NEK3: variants seen among roughly 807,000 people sequenced by gnomAD.
NEK3 encodes NIMA related kinase 3.
NEK3 carries 54 observed loss-of-function variants against 66.0 expected under a neutral mutation model. That is an observed-to-expected ratio of 0.82 (90% CI 0.66 to 1.03). The LOEUF (loss-of-function observed/expected upper bound fraction) is 1.03. NEK3 is among the 50% of genes least tolerant of loss of function. The pLI, the probability that NEK3 is intolerant of heterozygous loss-of-function variation, is 0.00. For synonymous variants in NEK3, 200 were observed against 206.2 expected, an observed-to-expected ratio of 0.97 and a Z score of 0.26; for missense variants, 593 against 603.0, an observed-to-expected ratio of 0.98 and a Z score of 0.17.
intron 4 of NEK3, among the ~76,000 whole-genome samples, chr13:52,153,378 C>T (rs1956363153): frequency 6.6e-6 from 1 of 151,980 alleles, no homozygotes. Context: ...CTCATTGGAG[C>T]AATTTAAATA....
intron 8 of NEK3, among the ~76,000 whole-genome samples, chr13:52,145,278 A>C (rs1956284874): frequency 6.6e-6 from 1 of 152,164 alleles, no homozygotes; most frequent in Non-Finnish European, 1.5e-5. Flanking sequence ...AGCCCTTCCC[A>C]GAAACTGCCA....
intron 11 of NEK3, 115 bp downstream of exon 11, chr13:52,140,905 T>A: frequency 1.4e-6 from 1 of 737,686 alleles, no homozygotes; most frequent in Non-Finnish European, 2.1e-6. Flanking sequence ...AACCTCCGCC[T>A]CCAGGTTCAC....
At chr13:52,145,407 G>A (rs557992820) in intron 8 of NEK3, among the ~76,000 whole-genome samples, 8 of 152,206 alleles carry the variant, frequency 5.3e-5, no homozygotes, top group East Asian at 1.9e-4. Context: ...GGGCTCAAGC[G>A]ATCCTCCCAC....
chr13:52,144,063 A>T (rs1956273355), intron 9 of NEK3, 76 bp from the exon 10 acceptor site: 2 of 793,564 alleles, frequency 2.5e-6, no homozygotes, highest in East Asian at 5.6e-5. Flanking sequence ...TCATTTCATC[A>T]TCAGCATTCT....
chr13:52,156,273 G>C, intron 1 of NEK3, 25 bp from the exon 2 acceptor site: 1 of 840,258 alleles, frequency 1.2e-6, no homozygotes, highest in African/African-American at 1.7e-5. Flanking sequence ...AGAAACATTT[G>C]AGAATTAAAT....
At position 52,144,698 on chromosome 13, in the gene NEK3, G is replaced by A. The variant is rs762857024; in HGVS notation, c.797C>T (p.Pro266Leu). The A allele has an allele frequency of 1.5e-5, 25 of 1,613,544 alleles. No homozygotes were observed. Among genetic ancestry groups the A allele is most frequent in the African/African-American group, 2.7e-5 (2 of 74,882 alleles). ...ATCCAACACAGATCATACCTCGGGG[G>A]GTAAGCACTTCTGGACAAGCCGAGC... is the stretch of plus-strand genomic sequence containing the variant. The part of the protein sequence containing the change: ...IVARLVQKCL[P>L]PEIIMEYGEE... Residue 266 changes from proline to leucine, a missense_variant, in exon 9 of 16, where the codon CCC (proline) becomes CTC (leucine). Coordinates refer to ENST00000610828, the MANE Select transcript of NEK3 (RefSeq NM_002498.3).
At chr13:52,155,631 A>T (rs1225987232) in intron 2 of NEK3, among the ~76,000 whole-genome samples, 1 of 152,230 alleles carries the variant, frequency 6.6e-6, no homozygotes, top group Non-Finnish European at 1.5e-5. Context: ...GAATAAACCA[A>T]TTACATCTTT....
chr13:52,154,457 G>A (rs1956374653), intron 2 of NEK3, among the ~76,000 whole-genome samples: 1 of 151,656 alleles, frequency 6.6e-6, no homozygotes, highest in African/African-American at 2.4e-5. Flanking sequence ...AGTATCACCT[G>A]ACTTAGAGAG....
At chr13:52,140,892 T>G (rs1956244671) in intron 11 of NEK3, 128 bp downstream of exon 11, 1 of 636,652 alleles carries the variant, frequency 1.6e-6, no homozygotes, top group African/African-American at 1.8e-5. Flanking sequence ...CTAGGCTCAC[T>G]GCAACCTCCG....
At chr13:52,133,911 G>A (rs1443777151) in intron 14 of NEK3, 96 bp from the exon 15 acceptor site, 18 of 1,265,088 alleles carry the variant, frequency 1.4e-5, no homozygotes, top group Admixed American at 2.1e-5. Context: ...GCTGGCTGAG[G>A]ACAATGCCAT....
intron 10 of NEK3, 85 bp downstream of exon 10, chr13:52,143,830 T>C (rs1956271139): frequency 1.4e-6 from 1 of 740,654 alleles, no homozygotes; most frequent in Non-Finnish European, 2.2e-6. Context: ...TCATTTCTAA[T>C]AACTTAAAAA....
chr13:52,154,021 G>C (rs764008533), intron 3 of NEK3, 29 bp from the exon 4 acceptor site: 1 of 1,599,032 alleles, frequency 6.3e-7, no homozygotes, highest in African/African-American at 1.3e-5. Flanking sequence ...CTTTAGAAAA[G>C]CTGTAGTGGC....
intron 4 of NEK3, among the ~76,000 whole-genome samples, chr13:52,153,694 C>CT (rs1451740333): frequency 6.6e-6 from 1 of 152,038 alleles, no homozygotes; most frequent in South Asian, 2.1e-4. Flanking sequence ...AATTTATAAC[C>CT]TATAGATTTT....
intron 8 of NEK3, chr13:52,148,165 A>G (rs1234505922): frequency 1.9e-5 from 7 of 359,202 alleles, no homozygotes; most frequent in Admixed American, 4.5e-5. Context: ...TAGCAAAAAG[A>G]AAGAAAAGAG....
chr13:52,148,484 A>C lies in NEK3; in HGVS notation c.549-15T>G, dbSNP rs367900950. The C allele has an allele frequency of 4.1e-4, 662 of 1,612,400 alleles. No individual in the cohort carries two copies. The highest frequency in any genetic ancestry group is 5.4e-4 in the Non-Finnish European group (634 of 1,178,740). On this transcript the variant is annotated splice_polypyrimidine_tract_variant and intron_variant, in intron 7 of 15. Transcript: ENST00000610828. ...ACCAGATGTCACTGAAAGCATAAAG[A>C]AGCAATGTAATCACAAGCAGGTTAC...
At position 52,141,049 on chromosome 13, in the gene NEK3, T is replaced by C. The variant is rs770425464; in HGVS notation, c.898A>G (p.Ile300Val). The change falls in exon 11 of 16, where the codon ATA becomes GTA. Residue 300 changes from isoleucine (I) to valine (V), a missense_variant. Physicochemically the swap from Ile to Val is conservative, Grantham distance 29. Transcript: ENST00000610828. ...RKKTNPSRIR[I>V]ALGNEASTVQ... The stretch of plus-strand genomic sequence containing the variant: ...GTGCTTGCTTCATTTCCCAAAGCTA[T>C]CCTGATTCTGCTGGGGTTTGCTTTT... 16 of 1,601,922 alleles carry C rather than the reference T, an allele frequency of 1.0e-5. No homozygotes were observed. Among genetic ancestry groups the C allele is most frequent in the East Asian group, 6.7e-5 (3 of 44,672 alleles).
chr13:52,136,886 T>A lies in NEK3; in HGVS notation c.944A>T (p.Asp315Val). ...CAAATCAGTATGGCTACCCTTTCTA[T>A]CTTGTTCTTCCTCTTGCTTTAAAAG... is the stretch of plus-strand genomic sequence containing the variant. ...EASTVQEEEQ[D>V]RKGSHTDLES... The change falls in exon 12 of 16, where the codon GAT becomes GTT. Residue 315 changes from aspartate to valine, a missense_variant. Transcript: ENST00000610828. 6.4e-7 allele frequency: 1 copy of A among 1,565,630 alleles called. No individual in the cohort carries two copies. Among genetic ancestry groups the A allele is most frequent in the Non-Finnish European group, 8.7e-7 (1 of 1,154,176 alleles).
At position 52,133,066 on chromosome 13, in the gene NEK3, G is replaced by T; in HGVS notation, c.*76C>A. ...TTCCAAAGGAAAATATACGTCGCAT[G>T]AACTCATGATCATCTCAGCATGAAC... On this transcript the variant is annotated 3_prime_UTR_variant, in exon 16 of 16. Transcript: ENST00000610828. 1 of 1,132,984 alleles carries T rather than the reference G, an allele frequency of 8.8e-7. No individual in the cohort carries two copies. The highest frequency in any genetic ancestry group is 1.3e-5 in the South Asian group (1 of 75,472). 70.2% of individuals were successfully genotyped at this position (1,132,984 alleles called of 1,614,324 possible).
In NEK3 at chr13:52,144,764, T is replaced by A. The variant is rs778154799; in HGVS notation, c.731A>T (p.His244Leu). 5.0e-6 allele frequency: 8 copies of A among 1,613,828 alleles called. No homozygotes were observed. The South Asian group carries it at 8.8e-5, about 18-fold the overall frequency. ...VKQMFKRNPS[H>L]RPSATTLLSR... ...GAGAAGCGTTGTAGCCGAGGGGCGA[T>A]GTGAGGGATTCCTTTTAAACATCTG... Residue 244 changes from histidine (H) to leucine (L), a missense_variant, in exon 9 of 16, where the codon CAT (histidine) becomes CTT (leucine). By Grantham distance (99) the His-to-Leu change is moderately conservative. Coordinates refer to ENST00000610828, the MANE Select transcript of NEK3 (RefSeq NM_002498.3).
Sources: gnomAD v4.1 joint callset for allele counts (sites outside exome capture counted in the v4.1 genomes callset) on GRCh38, gnomAD v4.1.1 for gene constraint, MANE v1.5 for transcripts, NCBI Gene and HGNC (gene_info 2026-07-23, HGNC 2026-07-21) for gene names.